TCOF1: variants seen among roughly 807,000 people sequenced by gnomAD.
The protein encoded by TCOF1 is treacle protein.
A neutral mutation model predicts 149.0 loss-of-function variants in TCOF1; 33 were observed. The observed-to-expected ratio is 0.22, with a 90% CI of 0.17 to 0.30. TCOF1 has a LOEUF of 0.30. Among genes scored for constraint, TCOF1 ranks in the 10% least tolerant of loss-of-function variants. The pLI is 1.00. For synonymous variants in TCOF1, 789 were observed against 738.8 expected, an observed-to-expected ratio of 1.07 and a Z score of -1.10; for missense variants, 1,728 against 1,840.7, an observed-to-expected ratio of 0.94 and a Z score of 1.12.
At chr5:150,362,923 C>CGA (rs1760485554) in intron 2 of TCOF1, among the ~76,000 whole-genome samples, 1 of 152,194 alleles carries the variant, frequency 6.6e-6, no homozygotes, top group African/African-American at 2.4e-5. Flanking sequence ...CCTAGCCTAG[C>CGA]AATTCCCTGC....
rs757939081 is a variant in TCOF1, at chr5:150,396,251, A to G, written c.3785-31A>G. The G allele has an allele frequency of 2.4e-5, 38 of 1,613,118 alleles. No homozygotes were observed. In the South Asian group the frequency reaches 3.4e-4, roughly 14 times the overall value. ...ATAAGATCTGTCCCCCAACTCTCCC[A>G]GATCTGTGACCCCACATTCTCTCTC... is the stretch of plus-strand genomic sequence containing the variant. On this transcript the variant is annotated intron_variant, in intron 23 of 26. Coordinates refer to ENST00000643257, the MANE Select transcript of TCOF1 (RefSeq NM_001371623.1).
Position 150,393,517 on chromosome 5 carries a change from C to A in TCOF1, c.3749C>A (p.Pro1250His), listed in dbSNP as rs1360912820. 6.2e-7 allele frequency: 1 copy of A among 1,614,058 alleles called. No individual in the cohort carries two copies. The highest frequency in any genetic ancestry group is 1.7e-5 in the Admixed American group (1 of 60,002). ...CCAGATGGCAAGCAGGAGGCAAAGC[C>A]CCAACAGGCAGCAGGCATGTTGTCC... ...DDPDGKQEAK[P>H]QQAAGMLSPK... The change falls in exon 23 of 27, where the codon CCC becomes CAC. Residue 1250 changes from proline to histidine, a missense_variant. This residue lies in a region of TCOF1 where 1,696 missense variants were observed against 1,765.4 expected (regional missense o/e 0.96). Coordinates refer to ENST00000643257, the MANE Select transcript of TCOF1 (RefSeq NM_001371623.1).
Position 150,373,232 on chromosome 5 carries a change from G to A in TCOF1, c.871-942G>A, listed in dbSNP as rs560638522. Among the ~76,000 whole-genome samples the A allele has an allele frequency of 1.8e-4, 27 of 152,196 alleles. No individual in the cohort carries two copies. In the South Asian group the frequency reaches 4.8e-3, roughly 27 times the overall value. On this transcript the variant is annotated intron_variant, in intron 7 of 26. Transcript: ENST00000643257. ...CCAGCTTGTGTGTGTGTGTGTGTGT[G>A]TGTATAGACAGGGTTTCACTGTGTT...
chr5:150,376,565 C>G lies in TCOF1; in HGVS notation c.2285C>G (p.Ser762Cys). ...TQVKAEKQEDSESSEEESDSE... is the reference protein window; with the variant it reads ...TQVKAEKQEDCESSEEESDSE... ...GTGAAAGCTGAAAAGCAGGAAGACT[C>G]TGAGAGCAGTGAGGAGGAATCAGAC... The change falls in exon 14 of 27, where the codon TCT (serine) becomes TGT (cysteine). Residue 762 changes from serine to cysteine, a missense_variant. Ser to Cys is a moderately radical substitution (Grantham distance 112). Around this residue, in one of 2 missense-constraint regions of TCOF1, gnomAD observed 1,696 missense variants for 1,765.4 expected, o/e 0.96. Transcript: ENST00000643257. The G allele has an allele frequency of 1.3e-6, 2 of 1,598,066 alleles. No homozygotes were observed. The highest frequency in any genetic ancestry group is 2.7e-5 in the African/African-American group (2 of 74,636).
chr5:150,365,355 C>T (rs912824874), intron 3 of TCOF1, among the ~76,000 whole-genome samples: 1 of 150,184 alleles, frequency 6.7e-6, no homozygotes, highest in African/African-American at 2.4e-5. Flanking sequence ...GCTGGGATTA[C>T]AGGCATGAGC....
rs914588702 is a variant in TCOF1, at chr5:150,392,255, C to G, written c.3517+79C>G. On this transcript the variant is annotated intron_variant, in intron 21 of 26. Coordinates refer to ENST00000643257, the MANE Select transcript of TCOF1 (RefSeq NM_001371623.1). ...CCTGGTGGAGCCATAGCTCTGGCCT[C>G]AGCTCCATATCTCAGACTCATTCTG... 6 of 1,448,584 alleles carry G rather than the reference C, an allele frequency of 4.1e-6. No individual in the cohort carries two copies. The East Asian group carries it at 7.0e-5, about 17-fold the overall frequency. The allele number at this position is 1,448,584 out of a possible 1,614,324, so 89.7% of individuals were successfully genotyped here. A position where few individuals can be genotyped will look rare whatever the true frequency, so the allele number is the denominator to read the frequency against.
chr5:150,376,976 T>C (rs1444604207), intron 14 of TCOF1, among the ~76,000 whole-genome samples: 2 of 152,020 alleles, frequency 1.3e-5, no homozygotes, highest in Admixed American at 6.6e-5. Context: ...TGTGGAGCGA[T>C]GGGGTTGAGA....
intron 20 of TCOF1, 21 bp downstream of exon 20, chr5:150,391,678 G>A: frequency 6.2e-7 from 1 of 1,605,562 alleles, no homozygotes; most frequent in Non-Finnish European, 8.5e-7. Context: ...GGAGCCAGGG[G>A]AAGCAAGCCC....
chr5:150,396,772 G>T lies in TCOF1; in HGVS notation c.4275G>T (p.Gly1425=), dbSNP rs1167583444. Residue 1425 remains glycine, a synonymous_variant, in exon 24 of 27, where the codon GGG becomes GGT. Coordinates refer to ENST00000643257, the MANE Select transcript of TCOF1 (RefSeq NM_001371623.1). Reference sequence around the variant, plus strand: ...AGCCAGAAGAGGAGCTTCAGAAGGGGATGGGGACGGTTGAAGGTGGAGATC... The same window carrying T: ...AGCCAGAAGAGGAGCTTCAGAAGGGTATGGGGACGGTTGAAGGTGGAGATC... ...KDEPEEELQK[G]MGTVEGGDQS... 1.2e-6 allele frequency: 2 copies of T among 1,612,002 alleles called. No homozygotes were observed. Among genetic ancestry groups the T allele is most frequent in the South Asian group, 2.2e-5 (2 of 90,842 alleles).
rs766981672 is a variant in TCOF1 at position 150,372,090 on chromosome 5, C to T, written c.724C>T (p.Pro242Ser). The change falls in exon 7 of 27, where the codon CCT becomes TCT. Residue 242 changes from proline to serine, a missense_variant. Coordinates refer to ENST00000643257, the MANE Select transcript of TCOF1 (RefSeq NM_001371623.1). ...ESPARKAAPA[P>S]GKVGDVTPQV... ...TCCAGCAAGAAAGGCGGCCCCAGCC[C>T]CTGGGAAGGTGGGGGATGTGACACC... is the stretch of plus-strand genomic sequence containing the variant. The T allele has an allele frequency of 2.4e-5, 39 of 1,614,130 alleles. 1 individual carries two copies. The Admixed American group carries it at 3.3e-4, about 14-fold the overall frequency.
intron 17 of TCOF1, chr5:150,383,616 A>T: frequency 9.5e-7 from 1 of 1,047,456 alleles, no homozygotes; most frequent in South Asian, 1.4e-5. Flanking sequence ...CCCATTTGAC[A>T]GATTGGGAAT....
Position 150,372,140 on chromosome 5 carries a change from C to G in TCOF1, c.774C>G (p.Pro258=), listed in dbSNP as rs779932567. ...VTPQVKGGAL[P]PAKRAKKPEE... is the part of the protein sequence containing the mutation. ...CCCAGGTCAAAGGAGGGGCCCTGCC[C>G]CCAGCCAAGAGGGCCAAGAAGCCAG... Residue 258 remains proline, a synonymous_variant, in exon 7 of 27, where the codon CCC becomes CCG. Transcript: ENST00000643257. The G allele has an allele frequency of 6.2e-6, 10 of 1,614,090 alleles. No homozygotes were observed. In the Admixed American group the frequency reaches 1.2e-4, roughly 19 times the overall value.
chr5:150,391,899 G>T, intron 20 of TCOF1, 58 bp from the exon 21 acceptor site: 1 of 1,556,600 alleles, frequency 6.4e-7, no homozygotes, highest in South Asian at 1.1e-5. Context: ...GTTCAGGAAG[G>T]ACCAGGTCTT....
intron 10 of TCOF1, 78 bp from the exon 11 acceptor site, chr5:150,375,261 G>A: frequency 6.2e-7 from 1 of 1,605,930 alleles, no homozygotes; most frequent in Non-Finnish European, 8.5e-7. Flanking sequence ...CTGTGCGGCT[G>A]GCTTCGTTTG....
At chr5:150,379,976 G>T (rs980605806) in intron 17 of TCOF1, 3 of 471,424 alleles carry the variant, frequency 6.4e-6, no homozygotes, top group Non-Finnish European at 1.2e-5. Context: ...GGAGGCTGAG[G>T]CAGGAGAATC....
chr5:150,384,288 T>G (rs1279860476), intron 17 of TCOF1: 1 of 989,290 alleles, frequency 1.0e-6, no homozygotes, highest in East Asian at 1.1e-4. Context: ...TTTTTCTGTT[T>G]AATCTCCACA....
chr5:150,392,470 A>G (rs1477655872), intron 21 of TCOF1: 2 of 609,526 alleles, frequency 3.3e-6, no homozygotes, highest in South Asian at 2.0e-5. Context: ...GGAAATAGAA[A>G]TGGGGCCTCA....
chr5:150,383,666 A>G (rs1398624105), intron 17 of TCOF1: 2 of 1,470,796 alleles, frequency 1.4e-6, no homozygotes, highest in African/African-American at 1.4e-5. Flanking sequence ...AATTCTCATG[A>G]TTCATAAGAG....
chr5:150,398,241 G>A, intron 24 of TCOF1, 113 bp from the exon 25 acceptor site: 4 of 1,581,050 alleles, frequency 2.5e-6, no homozygotes, highest in Non-Finnish European at 3.4e-6. Context: ...TGTTGTGATG[G>A]CTTCTGGTGG....
Sources: gnomAD v4.1 joint callset for allele counts (sites outside exome capture counted in the v4.1 genomes callset) on GRCh38, gnomAD v4.1.1 for gene constraint, gnomAD v4.1.1 regional missense constraint, MANE v1.5 for transcripts, NCBI Gene and HGNC (gene_info 2026-07-23, HGNC 2026-07-21) for gene names.